The following CMIP variants were observed in gnomAD, a reference collection of about 807,000 sequenced individuals.
The protein encoded by CMIP is c-Maf inducing protein, also known as C-Maf-inducing protein.
A neutral mutation model predicts 97.3 loss-of-function variants in CMIP; 13 were observed. The observed-to-expected ratio is 0.13, with a 90% confidence interval of 0.09 to 0.21. The LOEUF is 0.21. CMIP is among the 10% of genes least tolerant of loss of function. The probability of loss-of-function intolerance (pLI) is 1.00; values close to 1 mark genes in which losing one functional copy is unlikely to be tolerated. For synonymous variants in CMIP, 538 were observed against 436.3 expected (o/e 1.23, Z -2.91); for missense variants, 847 against 1,024.9 (o/e 0.83, Z 2.37).
chr16:81,705,626 G>GA (rs1908046069), intron 19 of CMIP, 22 bp downstream of exon 19: 1 of 1,475,940 alleles, frequency 6.8e-7, no homozygotes, highest in South Asian at 1.2e-5. Context: ...CGGGGCAGCT[G>GA]GGGGGTGAGG....
At chr16:81,668,978 AC>A (rs1489237065) in intron 7 of CMIP, among the ~76,000 whole-genome samples, 4 of 100,118 alleles carry the variant, frequency 4.0e-5, no homozygotes, top group Admixed American at 1.0e-4. Flanking sequence ...CACTCCTTCC[AC>A]ACCCACCTCA....
intron 7 of CMIP, among the ~76,000 whole-genome samples, chr16:81,668,947 A>T (rs2092644007): frequency 1.8e-5 from 2 of 113,304 alleles, no homozygotes; most frequent in African/African-American, 3.5e-5. Context: ...CACCCACCTC[A>T]CACCTTCCAC....
intron 1 of CMIP, among the ~76,000 whole-genome samples, chr16:81,595,918 G>C (rs1475297000): frequency 2.0e-5 from 3 of 152,016 alleles, no homozygotes; most frequent in African/African-American, 7.3e-5. Context: ...GGAATTACTG[G>C]GTCATACTTA....
intron 1 of CMIP, among the ~76,000 whole-genome samples, chr16:81,461,527 A>T (rs936284459): frequency 2.6e-5 from 4 of 152,214 alleles, no homozygotes; most frequent in African/African-American, 4.8e-5. Context: ...TTGGCATGCA[A>T]CGGGGACCCT....
chr16:81,666,305 G>T (rs1443613049), intron 7 of CMIP: 1 of 152,172 alleles, frequency 6.6e-6, no homozygotes, highest in African/African-American at 2.4e-5. Flanking sequence ...CCACACCCCC[G>T]GGACATACTT....
At chr16:81,706,981 C>G in intron 19 of CMIP, 33 bp from the exon 20 acceptor site, 1 of 1,600,922 alleles carries the variant, frequency 6.2e-7, no homozygotes, top group Non-Finnish European at 8.6e-7. Context: ...TGGGGCCTCG[C>G]TCTCCTAACA....
At chr16:81,457,945 G>A (rs924450167) in intron 1 of CMIP, among the ~76,000 whole-genome samples, 5 of 152,206 alleles carry the variant, frequency 3.3e-5, no homozygotes, top group African/African-American at 1.2e-4. Flanking sequence ...CCTCCCGACT[G>A]ACCTCCCCCT....
intron 1 of CMIP, among the ~76,000 whole-genome samples, chr16:81,549,528 G>T (rs749798551): frequency 1.3e-5 from 2 of 152,172 alleles, no homozygotes; most frequent in Non-Finnish European, 2.9e-5. Context: ...TCATGGCTGG[G>T]CTCTGTGTGT....
At chr16:81,664,135 G>T in intron 6 of CMIP, 134 bp from the exon 7 acceptor site, 1 of 682,834 alleles carries the variant, frequency 1.5e-6, no homozygotes, top group Middle Eastern at 2.8e-4. Context: ...TTTTTAGAAA[G>T]CAGTGCAGCC....
At chr16:81,474,370 T>C (rs1175017603) in intron 1 of CMIP, among the ~76,000 whole-genome samples, 1 of 151,844 alleles carries the variant, frequency 6.6e-6, no homozygotes, top group Non-Finnish European at 1.5e-5. Context: ...ATTCCTCCCT[T>C]CCCCCTTCCT....
chr16:81,448,975 G>A (rs904431259), intron 1 of CMIP, among the ~76,000 whole-genome samples: 1 of 152,274 alleles, frequency 6.6e-6, no homozygotes, highest in Non-Finnish European at 1.5e-5. Flanking sequence ...GCAGCCAGGG[G>A]TTCTGCATAA....
At chr16:81,631,855 C>A (rs1292846642) in intron 3 of CMIP, 1 of 152,246 alleles carries the variant, frequency 6.6e-6, no homozygotes, top group Non-Finnish European at 1.5e-5. Context: ...TTCGTTGATG[C>A]TGCCCTGCAG....
At chr16:81,502,797 G>A (rs1336503783) in intron 1 of CMIP, among the ~76,000 whole-genome samples, 1 of 152,174 alleles carries the variant, frequency 6.6e-6, no homozygotes, top group Non-Finnish European at 1.5e-5. Flanking sequence ...AAAAAAAGAA[G>A]CAAGAAAAAG....
intron 10 of CMIP, among the ~76,000 whole-genome samples, chr16:81,687,778 C>T (rs981557897): frequency 2.6e-5 from 4 of 152,106 alleles, no homozygotes; most frequent in Non-Finnish European, 5.9e-5. Context: ...CAAGAGTTGG[C>T]CAAAAAACTC....
intron 3 of CMIP, among the ~76,000 whole-genome samples, chr16:81,649,608 T>C (rs988403286): frequency 6.6e-6 from 1 of 152,258 alleles, no homozygotes; most frequent in Admixed American, 6.5e-5. Flanking sequence ...AAACTTATCC[T>C]CTTCTTTGTG....
intron 1 of CMIP, among the ~76,000 whole-genome samples, chr16:81,564,566 C>T (rs1161847879): frequency 1.3e-5 from 2 of 152,194 alleles, no homozygotes; most frequent in African/African-American, 4.8e-5. Context: ...CTGCCAGCAG[C>T]CGGGAGCCAG....
intron 1 of CMIP, among the ~76,000 whole-genome samples, chr16:81,479,745 C>T (rs1056743588): frequency 1.3e-5 from 2 of 152,156 alleles, no homozygotes; most frequent in Admixed American, 1.3e-4. Context: ...TCCAAAACAT[C>T]GTCACCCCAG....
rs534607655 is a variant in CMIP at position 81,453,885 on chromosome 16, G to A, written c.300+8344G>A. Among the ~76,000 whole-genome samples the A allele has an allele frequency of 4.6e-5, 7 of 152,320 alleles. No individual in the cohort carries two copies. The highest frequency in any genetic ancestry group is 7.2e-5 in the African/African-American group (3 of 41,560). The stretch of plus-strand genomic sequence containing the variant: ...TTGGTTGGCTAGAACTCAGACACAC[G>A]GCCACACGGAGTGCAGGGGAAGACT... On this transcript the variant is annotated intron_variant, in intron 1 of 20. Coordinates refer to ENST00000537098, the MANE Select transcript of CMIP (RefSeq NM_198390.3). This position sits in a 1 kb window ranked among gnomAD's most constrained non-coding sequence, Gnocchi z 4.0.
intron 1 of CMIP, among the ~76,000 whole-genome samples, chr16:81,569,894 G>A (rs1247807225): frequency 1.3e-5 from 2 of 152,194 alleles, no homozygotes; most frequent in Non-Finnish European, 2.9e-5. Context: ...TGTGTCTAGC[G>A]CCTGTACTGT....
Sources: allele counts gnomAD v4.1 joint callset (sites outside exome capture counted in the v4.1 genomes callset), GRCh38; gene constraint gnomAD v4.1.1; non-coding constraint Gnocchi (gnomAD v3.1); transcripts MANE v1.5; gene names NCBI Gene and HGNC (gene_info 2026-07-23, HGNC 2026-07-21).